SCAF11: variants seen among roughly 807,000 people sequenced by gnomAD.
SCAF11 encodes SR-related CTD associated factor 11.
A neutral mutation model predicts 140.5 loss-of-function variants in SCAF11; 47 were observed. That is an observed-to-expected ratio of 0.33 (90% CI 0.26 to 0.43). The LOEUF (loss-of-function observed/expected upper bound fraction) is 0.43. SCAF11 is among the 20% of genes least tolerant of loss of function. The pLI is 1.00. For missense variants in SCAF11, 1,645 were observed against 1,705.1 expected (o/e 0.96, Z 0.62); for synonymous variants, 557 against 579.4 (o/e 0.96, Z 0.55).
chr12:45,955,914 T>C (rs1945679817), intron 3 of SCAF11: 3 of 548,670 alleles, frequency 5.5e-6, no homozygotes, highest in Non-Finnish European at 9.8e-6. Flanking sequence ...TAATGTGTAT[T>C]AAACAGAGCA....
chr12:45,971,970 AG>A (rs1278528338), intron 1 of SCAF11, among the ~76,000 whole-genome samples: 1 of 152,172 alleles, frequency 6.6e-6, no homozygotes, highest in East Asian at 1.9e-4. Context: ...AGACTGTCCC[AG>A]GGATCTAGAA....
chr12:45,960,145 C>T (rs1347096725), intron 3 of SCAF11, among the ~76,000 whole-genome samples: 8 of 152,096 alleles, frequency 5.3e-5, no homozygotes, highest in African/African-American at 1.9e-4. Context: ...CCCGTAATTC[C>T]ACCTCTAGAT....
chr12:45,976,086 T>C (rs906936947), intron 1 of SCAF11, among the ~76,000 whole-genome samples: 6 of 152,046 alleles, frequency 3.9e-5, no homozygotes, highest in African/African-American at 1.4e-4. Flanking sequence ...TGAACTGCAA[T>C]AAAAAGAGGT....
chr12:45,926,456 GTGCCTCTGCCACGGTTGCCTC>G lies in SCAF11; in HGVS notation c.3224_3244del (p.Arg1075_Gly1081del), dbSNP rs1445328007. Reference sequence around the variant, plus strand: ...TTTATAGGCAAAACTACTTCTGTAAGTGCCTCTGCCACGGTTGCCTCTGCCTCTACCACGGTTAGATACCCA... The same window carrying G: ...TTTATAGGCAAAACTACTTCTGTAAGTGCCTCTACCACGGTTAGATACCCA... On this transcript the variant is annotated inframe_deletion, in exon 11 of 15. Coordinates refer to ENST00000369367, the MANE Select transcript of SCAF11 (RefSeq NM_004719.3). The G allele has an allele frequency of 5.0e-6, 8 of 1,614,188 alleles. No homozygotes were observed. Among genetic ancestry groups the G allele is most frequent in the South Asian group, 4.4e-5 (4 of 91,082 alleles).
intron 10 of SCAF11, chr12:45,930,945 T>C (rs1331023291): frequency 6.6e-6 from 1 of 152,262 alleles, no homozygotes; most frequent in African/African-American, 2.4e-5. Flanking sequence ...TCATGTATAA[T>C]GTCGCCACCC....
chr12:45,947,008 T>A (rs761396662), intron 5 of SCAF11, among the ~76,000 whole-genome samples: 24 of 152,182 alleles, frequency 1.6e-4, no homozygotes, highest in Non-Finnish European at 3.1e-4. Flanking sequence ...AAAGTTAACA[T>A]CTAAGGAGCT....
intron 4 of SCAF11, among the ~76,000 whole-genome samples, chr12:45,950,551 G>A (rs1158052608): frequency 3.3e-5 from 5 of 152,110 alleles, no homozygotes; most frequent in Non-Finnish European, 7.4e-5. Flanking sequence ...TACAAACAGC[G>A]TTTGGAAAAA....
intron 3 of SCAF11, chr12:45,955,923 CAT>C (rs765530047): frequency 8.8e-6 from 5 of 567,136 alleles, no homozygotes; most frequent in South Asian, 2.0e-5. Flanking sequence ...TTAAACAGAG[CAT>C]ATGTTTTACT....
upstream of SCAF11, chr12:45,991,944 C>G: frequency 7.8e-7 from 1 of 1,289,004 alleles, no homozygotes. Context: ...TGCCCCCGTT[C>G]TGTTCGCGCG....
intron 11 of SCAF11, 21 bp from the exon 12 acceptor site, chr12:45,925,095 T>C: frequency 6.4e-7 from 1 of 1,568,172 alleles, no homozygotes; most frequent in Admixed American, 1.9e-5. Context: ...AAAAAAAGCT[T>C]GTGAAAAAAA....
chr12:45,980,144 C>T (rs1946319126), intron 1 of SCAF11, among the ~76,000 whole-genome samples: 1 of 152,146 alleles, frequency 6.6e-6, no homozygotes, highest in African/African-American at 2.4e-5. Flanking sequence ...GAAAAGCCAG[C>T]ATTAAGTAGT....
rs751078762 is a variant in SCAF11, at chr12:45,933,193, A to C, written c.672T>G (p.Ile224Met). ...ATTCCAGTTCATGTCTCTTCTGCCT[A>C]ATCAATGCACTGATTTCACTGGCTT... Reference protein sequence around the residue: ...FIEASEISALIRQKRHELELS... With the variant: ...FIEASEISALMRQKRHELELS... The change falls in exon 9 of 15, where the codon ATT becomes ATG. Residue 224 changes from isoleucine (I) to methionine (M), a missense_variant. By Grantham distance (10) the Ile-to-Met change is conservative. This residue lies in a region of SCAF11 where 1,582 missense variants were observed against 1,609.2 expected (regional missense o/e 0.98). Transcript: ENST00000369367. The C allele has an allele frequency of 1.9e-6, 3 of 1,611,810 alleles. No individual in the cohort carries two copies. Among genetic ancestry groups the C allele is most frequent in the African/African-American group, 2.7e-5 (2 of 74,892 alleles).
intron 3 of SCAF11, chr12:45,955,650 A>G (rs1404208885): frequency 6.5e-6 from 1 of 152,758 alleles, no homozygotes; most frequent in Admixed American, 6.5e-5. Context: ...TTTTTAAGTT[A>G]TTTTAATTTT....
chr12:45,987,684 G>A (rs977032840), intron 1 of SCAF11, among the ~76,000 whole-genome samples: 1 of 152,158 alleles, frequency 6.6e-6, no homozygotes, highest in African/African-American at 2.4e-5. Context: ...AGGAGATGAA[G>A]TCAGAGAGGA....
At chr12:45,982,947 G>A (rs1946380276) in intron 1 of SCAF11, among the ~76,000 whole-genome samples, 1 of 152,164 alleles carries the variant, frequency 6.6e-6, no homozygotes, top group African/African-American at 2.4e-5. Context: ...TACAGAAGAT[G>A]AACAAGATAG....
intron 3 of SCAF11, among the ~76,000 whole-genome samples, chr12:45,957,712 A>G (rs981467756): frequency 6.6e-6 from 1 of 152,194 alleles, no homozygotes; most frequent in Non-Finnish European, 1.5e-5. Flanking sequence ...ATTTTATATT[A>G]TGTAAAAGGG....
At position 45,921,512 on chromosome 12, in the gene SCAF11, T is replaced by C. The variant is rs1009995097; in HGVS notation, c.*536A>G. ...GATAATTTTTTTTCTATCTAGGCAA[T>C]TTATTCAGATATGTGCTTTAAAAAT... is the stretch of plus-strand genomic sequence containing the variant. On this transcript the variant is annotated 3_prime_UTR_variant, in exon 15 of 15. Transcript: ENST00000369367. 5 of 152,300 alleles carry C rather than the reference T, an allele frequency of 3.3e-5. No homozygotes were observed. The highest frequency in any genetic ancestry group is 1.2e-4 in the African/African-American group (5 of 41,426). The allele number at this position is 152,300 out of a possible 1,614,324, so 9.4% of individuals were successfully genotyped here.
rs1269896755 is a variant in SCAF11, at chr12:45,919,265, C to T, written c.*2783G>A. On this transcript the variant is annotated 3_prime_UTR_variant, in exon 15 of 15. Transcript: ENST00000369367. The stretch of plus-strand genomic sequence containing the variant: ...CATGGACCCTGGGGCAATCACTGTG[C>T]TTCTGAAGCTACATCTTTTGGATGG... 1 of 152,306 alleles carries T rather than the reference C, an allele frequency of 6.6e-6. No homozygotes were observed. The highest frequency in any genetic ancestry group is 1.5e-5 in the Non-Finnish European group (1 of 68,042). The allele number at this position is 152,306 out of a possible 1,614,324, so 9.4% of individuals were successfully genotyped here.
intron 1 of SCAF11, among the ~76,000 whole-genome samples, chr12:45,978,187 T>C (rs1316057028): frequency 6.6e-6 from 1 of 152,194 alleles, no homozygotes; most frequent in African/African-American, 2.4e-5. Context: ...CAGTAGCATA[T>C]GTCCTTTGAT....
Sources: gnomAD v4.1 joint callset for allele counts (sites outside exome capture counted in the v4.1 genomes callset) on GRCh38, gnomAD v4.1.1 for gene constraint, gnomAD v4.1.1 regional missense constraint, MANE v1.5 for transcripts, NCBI Gene and HGNC (gene_info 2026-07-23, HGNC 2026-07-21) for gene names.